The following PLD1 variants were observed in gnomAD, a reference collection of about 807,000 sequenced individuals.
The protein encoded by PLD1 is phospholipase D1.
A neutral mutation model predicts 137.1 loss-of-function variants in PLD1; 112 were observed. That is an observed-to-expected ratio of 0.82 (90% CI 0.70 to 0.96). PLD1 has a LOEUF of 0.96. Among genes scored for constraint, PLD1 ranks in the 40% least tolerant of loss-of-function variants. The pLI is 0.00. For synonymous variants in PLD1, 431 were observed against 454.7 expected (o/e 0.95, Z 0.66); for missense variants, 1,321 against 1,342.0 (o/e 0.98, Z 0.24).
At chr3:171,788,398 A>C (rs887096954) in intron 1 of PLD1, among the ~76,000 whole-genome samples, 4 of 152,020 alleles carry the variant, frequency 2.6e-5, no homozygotes, top group Non-Finnish European at 4.4e-5. Flanking sequence ...ACAACAATAC[A>C]GAGGTGATAG....
At chr3:171,783,501 A>C (rs1722873506) in intron 1 of PLD1, among the ~76,000 whole-genome samples, 1 of 152,182 alleles carries the variant, frequency 6.6e-6, no homozygotes, top group Admixed American at 6.5e-5. Flanking sequence ...AGTGGACGTA[A>C]AAGTGTTGAT....
At chr3:171,802,821 C>T (rs907446837) in intron 1 of PLD1, among the ~76,000 whole-genome samples, 2 of 152,106 alleles carry the variant, frequency 1.3e-5, no homozygotes, top group Non-Finnish European at 2.9e-5. Flanking sequence ...AATTTGAGTT[C>T]AAACATAAAA....
chr3:171,667,960 C>G (rs910744876), intron 19 of PLD1, among the ~76,000 whole-genome samples: 1 of 152,162 alleles, frequency 6.6e-6, no homozygotes, highest in African/African-American at 2.4e-5. Flanking sequence ...ATACATTGGC[C>G]ACGCTGGTTT....
chr3:171,788,032 C>A (rs933559964), intron 1 of PLD1, among the ~76,000 whole-genome samples: 7 of 151,832 alleles, frequency 4.6e-5, no homozygotes, highest in Non-Finnish European at 8.8e-5. Flanking sequence ...CATGGTGAAA[C>A]CCCATTTCTA....
chr3:171,793,027 G>GTTTTCTAAT, intron 1 of PLD1: 1 of 261,666 alleles, frequency 3.8e-6, no homozygotes, highest in Admixed American at 5.6e-5. Context: ...GGATCCACGT[G>GTTTTCTAAT]GGAACACAAA....
chr3:171,800,080 A>G (rs1174771189), intron 1 of PLD1, among the ~76,000 whole-genome samples: 1 of 152,242 alleles, frequency 6.6e-6, no homozygotes, highest in Non-Finnish European at 1.5e-5. Context: ...TTCATTAATT[A>G]TAACAAATGT....
chr3:171,667,959 C>T (rs866997830), intron 19 of PLD1, among the ~76,000 whole-genome samples: 47 of 152,312 alleles, frequency 3.1e-4, no homozygotes, highest in African/African-American at 1.1e-3. Context: ...AATACATTGG[C>T]CACGCTGGTT....
chr3:171,660,615 A>AT (rs1418737101), intron 20 of PLD1, among the ~76,000 whole-genome samples: 3 of 151,428 alleles, frequency 2.0e-5, no homozygotes, highest in Admixed American at 6.6e-5. Context: ...TATTTTTTTT[A>AT]TTTTTTTGAG....
At chr3:171,782,414 G>A (rs955355069) in intron 1 of PLD1, among the ~76,000 whole-genome samples, 3 of 152,198 alleles carry the variant, frequency 2.0e-5, no homozygotes, top group Non-Finnish European at 4.4e-5. Flanking sequence ...TACTTCAAAA[G>A]AGAACTATAA....
intron 6 of PLD1, among the ~76,000 whole-genome samples, chr3:171,731,118 C>T (rs1718907098): frequency 6.6e-6 from 1 of 152,164 alleles, no homozygotes; most frequent in Non-Finnish European, 1.5e-5. Context: ...CCTATTCAGT[C>T]CCTTGACCTA....
intron 1 of PLD1, among the ~76,000 whole-genome samples, chr3:171,804,522 T>A (rs1332121034): frequency 1.3e-5 from 2 of 152,154 alleles, no homozygotes; most frequent in African/African-American, 4.8e-5. Flanking sequence ...GACACAAAAA[T>A]GACAAAAACA....
At chr3:171,778,387 T>A (rs1014461909) in intron 1 of PLD1, among the ~76,000 whole-genome samples, 1 of 152,162 alleles carries the variant, frequency 6.6e-6, no homozygotes, top group Non-Finnish European at 1.5e-5. Flanking sequence ...CTATCAAAAA[T>A]TAAAACAAAT....
intron 1 of PLD1, among the ~76,000 whole-genome samples, chr3:171,806,205 G>A (rs1320526042): frequency 1.3e-5 from 2 of 152,170 alleles, no homozygotes; most frequent in Non-Finnish European, 2.9e-5. Flanking sequence ...TCGTTGTAAT[G>A]TTTGCTCAAT....
chr3:171,691,641 A>C (rs1053881967), intron 13 of PLD1, among the ~76,000 whole-genome samples: 2 of 152,192 alleles, frequency 1.3e-5, no homozygotes, highest in African/African-American at 4.8e-5. Context: ...TTTAGTGGGT[A>C]CTTGATAGAA....
chr3:171,650,186 T>TAC, intron 21 of PLD1, among the ~76,000 whole-genome samples: 1 of 151,902 alleles, frequency 6.6e-6, no homozygotes, highest in East Asian at 1.9e-4. Flanking sequence ...TGTAGAGAAA[T>TAC]AAGAGCAAGA....
chr3:171,805,523 A>G (rs1457274845), intron 1 of PLD1, among the ~76,000 whole-genome samples: 2 of 152,140 alleles, frequency 1.3e-5, no homozygotes, highest in Non-Finnish European at 2.9e-5. Context: ...TCCCTGGCCC[A>G]ATCTCCTCAC....
intron 8 of PLD1, among the ~76,000 whole-genome samples, chr3:171,723,145 A>G (rs1276878273): frequency 6.6e-6 from 1 of 151,986 alleles, no homozygotes; most frequent in Non-Finnish European, 1.5e-5. Flanking sequence ...CCCCCTCCAC[A>G]CTGCCTTTCC....
intron 1 of PLD1, among the ~76,000 whole-genome samples, chr3:171,782,558 A>C (rs1722835281): frequency 6.6e-6 from 1 of 152,244 alleles, no homozygotes; most frequent in Non-Finnish European, 1.5e-5. Flanking sequence ...TAGATGGGTG[A>C]CAAGACGTAT....
chr3:171,799,363 G>C (rs1481361845), intron 1 of PLD1, among the ~76,000 whole-genome samples: 1 of 108,458 alleles, frequency 9.2e-6, no homozygotes, highest in East Asian at 2.8e-4. Context: ...AAAAAAAAAA[G>C]AGGAAAAAAA....
Sources: allele counts gnomAD v4.1 joint callset (sites outside exome capture counted in the v4.1 genomes callset), GRCh38; gene constraint gnomAD v4.1.1; transcripts MANE v1.5; gene names NCBI Gene and HGNC (gene_info 2026-07-23, HGNC 2026-07-21).